LHFPL6: variants seen among roughly 807,000 people sequenced by gnomAD.
LHFPL6 encodes the protein LHFPL tetraspan subfamily member 6 protein.
Under a neutral mutation model 20.6 loss-of-function variants are expected in LHFPL6, and 9 were observed. The observed-to-expected ratio is 0.44, with a 90% CI of 0.26 to 0.76. The LOEUF (loss-of-function observed/expected upper bound fraction) is 0.76, where lower values mean the gene tolerates loss of function less well. Ranked by LOEUF, LHFPL6 falls within the 30% of genes least tolerant of loss-of-function variation. The pLI is 0.20. For synonymous variants in LHFPL6, 105 were observed against 98.7 expected (o/e 1.06, Z -0.38); for missense variants, 218 against 253.5 (o/e 0.86, Z 0.95).
intron 2 of LHFPL6, among the ~76,000 whole-genome samples, chr13:39,479,268 C>T (rs1311151404): frequency 6.6e-6 from 1 of 152,084 alleles, no homozygotes; most frequent in Non-Finnish European, 1.5e-5. Context: ...GGCACAAATG[C>T]CTTTTTGGAG....
intron 2 of LHFPL6, among the ~76,000 whole-genome samples, chr13:39,529,648 G>T (rs1311130727): frequency 6.6e-6 from 1 of 152,156 alleles, no homozygotes; most frequent in Non-Finnish European, 1.5e-5. Context: ...GATTTTGTTG[G>T]ATATTCTTAC....
intron 2 of LHFPL6, among the ~76,000 whole-genome samples, chr13:39,399,103 T>C (rs1870916686): frequency 6.6e-6 from 1 of 152,212 alleles, no homozygotes; most frequent in Non-Finnish European, 1.5e-5. Context: ...GGAATTCAAG[T>C]TTTAAAAATC....
rs1165132208 is a variant in LHFPL6, at chr13:39,513,446, A to T, written c.385+87386T>A. ...ATGCCTTCCAGTGGCCTTTATTTGA[A>T]TTTTTTTCCCAAAATATTCTCTGGA... On this transcript the variant is annotated intron_variant, in intron 2 of 3. Coordinates refer to ENST00000379589, the MANE Select transcript of LHFPL6 (RefSeq NM_005780.3). Among the ~76,000 whole-genome samples, 7 of 152,136 alleles carry T rather than the reference A, an allele frequency of 4.6e-5. No homozygotes were observed. The East Asian group carries it at 1.4e-3, about 29-fold the overall frequency.
At chr13:39,365,966 G>A (rs1870000105) in intron 3 of LHFPL6, among the ~76,000 whole-genome samples, 1 of 152,102 alleles carries the variant, frequency 6.6e-6, no homozygotes, top group Non-Finnish European at 1.5e-5. Context: ...TCTGTCTGTA[G>A]GTAAACAGCC....
At position 39,546,558 on chromosome 13, in the gene LHFPL6, C is replaced by G. The variant is rs1033018955; in HGVS notation, c.385+54274G>C. 2.6e-5 allele frequency among the ~76,000 whole-genome samples: 4 copies of G among 152,224 alleles called. No homozygotes were observed. The South Asian group carries it at 8.3e-4, about 32-fold the overall frequency. ...AATCAGAAACTTTAGGATAAACCAG[C>G]CATCTGGGTTTTACAACCCTCCAGC... On this transcript the variant is annotated intron_variant, in intron 2 of 3. Coordinates refer to ENST00000379589, the MANE Select transcript of LHFPL6 (RefSeq NM_005780.3).
chr13:39,433,211 G>A (rs1412824290), intron 2 of LHFPL6, among the ~76,000 whole-genome samples: 1 of 152,170 alleles, frequency 6.6e-6, no homozygotes, highest in Non-Finnish European at 1.5e-5. Context: ...CTAATTTGGT[G>A]AGTAATGCTT....
intron 3 of LHFPL6, among the ~76,000 whole-genome samples, chr13:39,356,474 G>GA (rs1195380654): frequency 6.6e-6 from 1 of 152,010 alleles, no homozygotes; most frequent in Non-Finnish European, 1.5e-5. Flanking sequence ...AGAAAAACTA[G>GA]AAAAAACTAA....
chr13:39,565,012 T>G (rs2138524761), intron 2 of LHFPL6, among the ~76,000 whole-genome samples: 1 of 152,224 alleles, frequency 6.6e-6, no homozygotes, highest in African/African-American at 2.4e-5. Flanking sequence ...TGAGTGGCAA[T>G]CCCAAGGCAT....
At chr13:39,464,499 C>G (rs1001865828) in intron 2 of LHFPL6, among the ~76,000 whole-genome samples, 1 of 152,176 alleles carries the variant, frequency 6.6e-6, no homozygotes, top group South Asian at 2.1e-4. Context: ...CAGTAGTTAA[C>G]TCTCCATGAG....
At chr13:39,523,672 G>GT (rs1870192394) in intron 2 of LHFPL6, among the ~76,000 whole-genome samples, 1 of 152,152 alleles carries the variant, frequency 6.6e-6, no homozygotes, top group African/African-American at 2.4e-5. Flanking sequence ...GCAATGAGAT[G>GT]TAACAGCCTG....
chr13:39,538,510 C>A (rs1870697006), intron 2 of LHFPL6, among the ~76,000 whole-genome samples: 1 of 147,904 alleles, frequency 6.8e-6, no homozygotes, highest in Non-Finnish European at 1.5e-5. Flanking sequence ...CAAAAGCAAT[C>A]AAATATATTT....
chr13:39,383,616 C>T (rs550210965), intron 2 of LHFPL6, among the ~76,000 whole-genome samples: 1 of 152,270 alleles, frequency 6.6e-6, no homozygotes, highest in African/African-American at 2.4e-5. Context: ...TTGTCAGGTT[C>T]TTAGGCCTTA....
At chr13:39,370,456 T>C (rs980504382) in intron 3 of LHFPL6, among the ~76,000 whole-genome samples, 8 of 152,214 alleles carry the variant, frequency 5.3e-5, no homozygotes, top group Non-Finnish European at 8.8e-5. Context: ...TAGGACATCA[T>C]TGCTGCATTA....
chr13:39,386,012 C>G (rs1480764229), intron 2 of LHFPL6, among the ~76,000 whole-genome samples: 3 of 152,096 alleles, frequency 2.0e-5, no homozygotes, highest in Non-Finnish European at 4.4e-5. Flanking sequence ...TGTTTCCCAT[C>G]AATTCATCTT....
chr13:39,397,784 T>C (rs1392070906), intron 2 of LHFPL6, among the ~76,000 whole-genome samples: 3 of 152,194 alleles, frequency 2.0e-5, no homozygotes, highest in Non-Finnish European at 4.4e-5. Flanking sequence ...AGAAAATAAT[T>C]TCCGTTGTCT....
At chr13:39,417,581 G>C (rs1334845355) in intron 2 of LHFPL6, among the ~76,000 whole-genome samples, 1 of 152,194 alleles carries the variant, frequency 6.6e-6, no homozygotes, top group Non-Finnish European at 1.5e-5. Flanking sequence ...ATTCTTCCTT[G>C]TTAGCCATTC....
In LHFPL6 at chr13:39,352,890, T is replaced by C. The variant is rs1354366424; in HGVS notation, c.485-8836A>G. ...GTATATATATATATAAATGTATATA[T>C]ATGTGTATATATATATAAATGTATA... On this transcript the variant is annotated intron_variant, in intron 3 of 3. Coordinates refer to ENST00000379589, the MANE Select transcript of LHFPL6 (RefSeq NM_005780.3). Among the ~76,000 whole-genome samples, 14 of 53,850 alleles carry C rather than the reference T, an allele frequency of 2.6e-4. 2 individuals carry two copies. Among genetic ancestry groups the C allele is most frequent in the Admixed American group, 4.6e-4 (2 of 4,364 alleles). 35.3% of individuals were successfully genotyped at this position (53,850 alleles called of 152,430 possible).
rs1297794010 is a variant in LHFPL6 at position 39,375,956 on chromosome 13, GT to G, written c.484+2471del. The stretch of plus-strand genomic sequence containing the variant: ...GATCAGAAATGAAAACAACTTTATA[GT>G]TTTTTAAATTGCCAGAATGGTTTTA... On this transcript the variant is annotated intron_variant, in intron 3 of 3. Coordinates refer to ENST00000379589, the MANE Select transcript of LHFPL6 (RefSeq NM_005780.3). 4.0e-5 allele frequency among the ~76,000 whole-genome samples: 6 copies of G among 151,878 alleles called. No homozygotes were observed. The South Asian group carries it at 1.2e-3, about 32-fold the overall frequency.
intron 2 of LHFPL6, among the ~76,000 whole-genome samples, chr13:39,442,689 T>C (rs1352740650): frequency 3.3e-5 from 5 of 152,258 alleles, no homozygotes; most frequent in Non-Finnish European, 5.9e-5. Flanking sequence ...CTGTGGGCTC[T>C]GTAATTCTAT....
Sources: gnomAD v4.1 joint callset for allele counts (sites outside exome capture counted in the v4.1 genomes callset) on GRCh38, gnomAD v4.1.1 for gene constraint, MANE v1.5 for transcripts, NCBI Gene and HGNC (gene_info 2026-07-23, HGNC 2026-07-21) for gene names.